ANKDD1B: variants seen among roughly 807,000 people sequenced by gnomAD.
The protein encoded by ANKDD1B is ankyrin repeat and death domain containing 1B.
A neutral mutation model predicts 59.7 loss-of-function variants in ANKDD1B; 57 were observed. That is an observed-to-expected ratio of 0.95 (90% CI 0.77 to 1.19). The LOEUF (loss-of-function observed/expected upper bound fraction) is 1.19. Ranked by LOEUF, ANKDD1B falls within the 50% of genes most tolerant of loss-of-function variation. The pLI is 0.00. For missense variants in ANKDD1B, 602 were observed against 641.9 expected (o/e 0.94, Z 0.67); for synonymous variants, 216 against 239.5 (o/e 0.90, Z 0.91).
intron 2 of ANKDD1B, among the ~76,000 whole-genome samples, chr5:75,619,876 A>G (rs1773801266): frequency 2.0e-5 from 3 of 152,186 alleles, no homozygotes; most frequent in Admixed American, 2.0e-4. Flanking sequence ...TTACAGTCCA[A>G]AAACTTAGAG....
At chr5:75,650,369 A>G (rs1328321629) in intron 7 of ANKDD1B, among the ~76,000 whole-genome samples, 1 of 152,170 alleles carries the variant, frequency 6.6e-6, no homozygotes, top group Non-Finnish European at 1.5e-5. Context: ...ACAATGGAGC[A>G]AGGGGGTGTG....
chr5:75,653,072 T>A (rs1406660476), intron 7 of ANKDD1B, 70 bp from the exon 8 acceptor site: 2 of 1,047,566 alleles, frequency 1.9e-6, no homozygotes, highest in Non-Finnish European at 2.8e-6. Context: ...GATTACCATG[T>A]CATAAACACC....
At chr5:75,618,893 A>G (rs1008176465) in intron 2 of ANKDD1B, among the ~76,000 whole-genome samples, 4 of 152,008 alleles carry the variant, frequency 2.6e-5, no homozygotes, top group Non-Finnish European at 5.9e-5. Context: ...TTACAGACGC[A>G]CGCCACCACA....
intron 7 of ANKDD1B, among the ~76,000 whole-genome samples, chr5:75,639,353 C>G (rs1445989596): frequency 6.6e-6 from 1 of 152,090 alleles, no homozygotes. Flanking sequence ...CATGCCACCA[C>G]GCCAGGCTAA....
intron 5 of ANKDD1B, among the ~76,000 whole-genome samples, chr5:75,633,383 T>G (rs116288555): frequency 8.1e-4 from 124 of 152,336 alleles, no homozygotes; most frequent in African/African-American, 2.9e-3. Context: ...CTTTATAGAT[T>G]TGTTTTTGTC....
intron 3 of ANKDD1B, among the ~76,000 whole-genome samples, chr5:75,620,812 A>T (rs1404614411): frequency 2.0e-5 from 3 of 152,224 alleles, no homozygotes; most frequent in Non-Finnish European, 4.4e-5. Context: ...GGGTAAGCCC[A>T]GGAGCACACA....
At position 75,634,932 on chromosome 5, in the gene ANKDD1B, G is replaced by T. The variant is rs1365478800; in HGVS notation, c.635G>T (p.Arg212Met). Reference protein sequence around the residue: ...GRKPFLLAAERGHVEMIEKLT... With the variant: ...GRKPFLLAAEMGHVEMIEKLT... ...AAACCATTTCTTTTGGCAGCTGAGA[G>T]GGGCCATGTTGAAATGATAGAAAAA... Residue 212 changes from arginine (R) to methionine (M), a missense_variant, in exon 6 of 14, where the codon AGG becomes ATG. By Grantham distance (91) the Arg-to-Met change is moderately conservative (BLOSUM62 -1). Coordinates refer to ENST00000601380, the MANE Select transcript of ANKDD1B (RefSeq NM_001276713.2). 6.5e-7 allele frequency: 1 copy of T among 1,535,656 alleles called. No individual in the cohort carries two copies. Among genetic ancestry groups the T allele is most frequent in the South Asian group, 1.2e-5 (1 of 84,046 alleles).
intron 7 of ANKDD1B, among the ~76,000 whole-genome samples, chr5:75,638,655 T>G (rs1279927732): frequency 6.6e-6 from 1 of 152,152 alleles, no homozygotes; most frequent in South Asian, 2.1e-4. Flanking sequence ...ATTATTATTA[T>G]TTATTATTAT....
rs928853574 is a variant in ANKDD1B at position 75,653,075 on chromosome 5, TA to T, written c.799-64del. 57 of 1,102,086 alleles carry T rather than the reference TA, an allele frequency of 5.2e-5. No individual in the cohort carries two copies. The African/African-American group carries it at 6.8e-4, about 13-fold the overall frequency. The allele number at this position is 1,102,086 out of a possible 1,614,324, so 68.3% of individuals were successfully genotyped here. ...ATTGTATTAACTGATTACCATGTCATAAACACCAGAAAACATGCTGAATTAT... is the reference window on the plus strand; with the variant it reads ...ATTGTATTAACTGATTACCATGTCATAACACCAGAAAACATGCTGAATTAT... On this transcript the variant is annotated intron_variant, in intron 7 of 13. Transcript: ENST00000601380.
chr5:75,623,663 C>T (rs569450776), intron 3 of ANKDD1B, among the ~76,000 whole-genome samples: 3 of 152,232 alleles, frequency 2.0e-5, no homozygotes, highest in African/African-American at 4.8e-5. Context: ...GTGCTATTGA[C>T]ATTTTGGGCC....
chr5:75,669,002 C>T (rs1469528974), intron 12 of ANKDD1B, among the ~76,000 whole-genome samples: 2 of 152,228 alleles, frequency 1.3e-5, no homozygotes, highest in East Asian at 1.9e-4. Context: ...TGGGCAGGCA[C>T]CACAGCTGTC....
chr5:75,667,790 G>A (rs959372122), intron 12 of ANKDD1B, among the ~76,000 whole-genome samples: 38 of 152,288 alleles, frequency 2.5e-4, no homozygotes, highest in East Asian at 7.7e-4. Flanking sequence ...ATCCTAAGAC[G>A]AGAAGGTGTC....
At chr5:75,614,368 G>C (rs920394699) in intron 1 of ANKDD1B, among the ~76,000 whole-genome samples, 43 of 152,136 alleles carry the variant, frequency 2.8e-4, no homozygotes, top group East Asian at 1.9e-4. Flanking sequence ...TTTCTTCCAA[G>C]GCTGCAAGCA....
At chr5:75,620,480 G>A (rs940701483) in intron 3 of ANKDD1B, 67 bp downstream of exon 3, 18 of 845,732 alleles carry the variant, frequency 2.1e-5, no homozygotes, top group Non-Finnish European at 3.3e-5. Flanking sequence ...GATCATTCCA[G>A]TTAGACATCT....
In ANKDD1B at chr5:75,653,254, A is replaced by C. The variant is rs1774876827; in HGVS notation, c.897+14A>C. The C allele has an allele frequency of 1.3e-6, 2 of 1,529,536 alleles. No individual in the cohort carries two copies. The highest frequency in any genetic ancestry group is 2.0e-5 in the Admixed American group (1 of 50,968). 94.7% of individuals were successfully genotyped at this position (1,529,536 alleles called of 1,614,324 possible). On this transcript the variant is annotated intron_variant, in intron 8 of 13. Coordinates refer to ENST00000601380, the MANE Select transcript of ANKDD1B (RefSeq NM_001276713.2). Reference sequence around the variant, plus strand: ...CAGAAAGTGGAAGTGAGTTTATTCCAATGACACGGGCTTTGGTCCTGGCGC... The same window carrying C: ...CAGAAAGTGGAAGTGAGTTTATTCCCATGACACGGGCTTTGGTCCTGGCGC...
At chr5:75,628,568 GT>G (rs571912879) in intron 5 of ANKDD1B, among the ~76,000 whole-genome samples, 58 of 152,278 alleles carry the variant, frequency 3.8e-4, no homozygotes, top group Admixed American at 1.1e-3. Context: ...CTCTTGCCTA[GT>G]TTCTTATCAA....
At chr5:75,620,089 C>G (rs553510477) in intron 2 of ANKDD1B, among the ~76,000 whole-genome samples, 1 of 152,156 alleles carries the variant, frequency 6.6e-6, no homozygotes, top group Non-Finnish European at 1.5e-5. Flanking sequence ...TTTCATCTTG[C>G]GGCGTGTCCT....
rs1157186115 is a variant in ANKDD1B, at chr5:75,666,634, A to C, written c.1192-158A>C. Among the ~76,000 whole-genome samples, 7 of 10,806 alleles carry C rather than the reference A, an allele frequency of 6.5e-4. No individual in the cohort carries two copies. The South Asian group carries it at 0.038, about 59-fold the overall frequency. The allele number at this position is 10,806 out of a possible 152,430, so 7.1% of individuals were successfully genotyped here. ...GCATTTATTTCCATTTTGGATGGCA[A>C]AAAAAAAAAATATATATATGATCCA... On this transcript the variant is annotated intron_variant, in intron 11 of 13. Coordinates refer to ENST00000601380, the MANE Select transcript of ANKDD1B (RefSeq NM_001276713.2).
chr5:75,620,606 T>C (rs1009133870), intron 3 of ANKDD1B, among the ~76,000 whole-genome samples, 193 bp downstream of exon 3: 24 of 152,224 alleles, frequency 1.6e-4, no homozygotes, highest in African/African-American at 5.5e-4. Context: ...TGTTTCCCCT[T>C]TACCTATGGG....
Sources: gnomAD v4.1 joint callset for allele counts (sites outside exome capture counted in the v4.1 genomes callset) on GRCh38, gnomAD v4.1.1 for gene constraint, MANE v1.5 for transcripts, NCBI Gene and HGNC (gene_info 2026-07-23, HGNC 2026-07-21) for gene names.